Variants in DLG2 observed in about 807,000 individuals in gnomAD.
The protein encoded by DLG2 is disks large homolog 2.
In DLG2, 45 loss-of-function variants were observed where a neutral mutation model predicts 132.5. The observed-to-expected ratio is 0.34, with a 90% CI of 0.27 to 0.44. The LOEUF (loss-of-function observed/expected upper bound fraction) is 0.44. Among genes scored for constraint, DLG2 ranks in the 20% least tolerant of loss-of-function variants. The pLI is 1.00. For synonymous variants in DLG2, 424 were observed against 419.6 expected, an observed-to-expected ratio of 1.01 and a Z score of -0.13; for missense variants, 1,045 against 1,196.9, an observed-to-expected ratio of 0.87 and a Z score of 1.87.
intron 7 of DLG2, among the ~76,000 whole-genome samples, chr11:84,324,877 T>C (rs1019749259): frequency 3.3e-5 from 5 of 152,176 alleles, no homozygotes; most frequent in African/African-American, 7.2e-5. Context: ...TTGTATCCTA[T>C]AATTTTGTTG....
At chr11:84,843,000 T>C (rs549963296) in intron 6 of DLG2, among the ~76,000 whole-genome samples, 1 of 152,142 alleles carries the variant, frequency 6.6e-6, no homozygotes, top group South Asian at 2.1e-4. Flanking sequence ...CAAAGAATAC[T>C]GTTCAATGGG....
At chr11:85,058,949 T>A (rs2063740610) in intron 6 of DLG2, among the ~76,000 whole-genome samples, 1 of 151,358 alleles carries the variant, frequency 6.6e-6, no homozygotes, top group East Asian at 1.9e-4. Flanking sequence ...TCTGCATAGA[T>A]TTCCTAAAAA....
At chr11:85,227,882 C>G (rs1294527370) in intron 4 of DLG2, among the ~76,000 whole-genome samples, 3 of 152,038 alleles carry the variant, frequency 2.0e-5, no homozygotes, top group African/African-American at 7.2e-5. Flanking sequence ...ACCCATCTAT[C>G]TGTATTCAGC....
chr11:85,607,891 T>A (rs2080700698), intron 2 of DLG2, among the ~76,000 whole-genome samples: 1 of 152,194 alleles, frequency 6.6e-6, no homozygotes. Flanking sequence ...TTATAGGACA[T>A]GGGTAAAATC....
chr11:84,863,937 A>C (rs1412269854), intron 6 of DLG2, among the ~76,000 whole-genome samples: 2 of 152,208 alleles, frequency 1.3e-5, no homozygotes, highest in Non-Finnish European at 2.9e-5. Context: ...AGTTTTTAAA[A>C]AAATACTGCT....
At chr11:84,283,590 T>C (rs1482774111) in intron 7 of DLG2, among the ~76,000 whole-genome samples, 1 of 152,186 alleles carries the variant, frequency 6.6e-6, no homozygotes, top group African/African-American at 2.4e-5. Context: ...TATAAGGTAA[T>C]TGTAGATTCA....
chr11:85,053,674 C>T (rs532425602), intron 6 of DLG2, among the ~76,000 whole-genome samples: 42 of 146,292 alleles, frequency 2.9e-4, no homozygotes, highest in African/African-American at 9.4e-4. Context: ...TGGTGGTGGG[C>T]GCCTGTAGTC....
chr11:85,292,498 T>C (rs2078955088), intron 3 of DLG2, among the ~76,000 whole-genome samples: 1 of 151,028 alleles, frequency 6.6e-6, no homozygotes, highest in African/African-American at 2.4e-5. Context: ...TAACGCAAAA[T>C]GGAACTCAAT....
chr11:84,038,258 G>A (rs1321647861), intron 11 of DLG2, among the ~76,000 whole-genome samples: 1 of 151,266 alleles, frequency 6.6e-6, no homozygotes, highest in Non-Finnish European at 1.5e-5. Context: ...TCTAACAAAG[G>A]TCTAATATCC....
At chr11:83,710,172 T>C (rs2085062392) in intron 18 of DLG2, among the ~76,000 whole-genome samples, 1 of 151,962 alleles carries the variant, frequency 6.6e-6, no homozygotes, top group African/African-American at 2.4e-5. Flanking sequence ...GGTACTTTTT[T>C]TTTTTTTTGA....
chr11:85,241,096 G>A (rs2075855734), intron 4 of DLG2, among the ~76,000 whole-genome samples: 1 of 151,126 alleles, frequency 6.6e-6, no homozygotes, highest in Non-Finnish European at 1.5e-5. Flanking sequence ...TTATACCTTT[G>A]TATACATTCT....
chr11:83,991,072 G>C (rs944616749), intron 11 of DLG2, among the ~76,000 whole-genome samples: 1 of 152,080 alleles, frequency 6.6e-6, no homozygotes, highest in Non-Finnish European at 1.5e-5. Context: ...AGAAAATTTT[G>C]CTTTAACAAA....
At chr11:85,198,569 G>T (rs1422455961) in intron 4 of DLG2, among the ~76,000 whole-genome samples, 1 of 152,078 alleles carries the variant, frequency 6.6e-6, no homozygotes, top group Non-Finnish European at 1.5e-5. Context: ...CAAGTTTACA[G>T]ATATTTTATG....
chr11:84,366,333 C>A (rs2154425962), intron 7 of DLG2, among the ~76,000 whole-genome samples: 1 of 152,112 alleles, frequency 6.6e-6, no homozygotes, highest in South Asian at 2.1e-4. Flanking sequence ...TGGAAAGGAA[C>A]AACTGGTACC....
intron 3 of DLG2, among the ~76,000 whole-genome samples, chr11:85,464,081 T>C (rs181499679): frequency 6.7e-6 from 1 of 148,458 alleles, no homozygotes; most frequent in Non-Finnish European, 1.5e-5. Flanking sequence ...ATATACAAGG[T>C]GCTATATCAT....
At chr11:84,688,053 C>T (rs1463308447) in intron 6 of DLG2, among the ~76,000 whole-genome samples, 3 of 152,082 alleles carry the variant, frequency 2.0e-5, no homozygotes, top group African/African-American at 7.2e-5. Flanking sequence ...AGAGGAAGAG[C>T]AGAAAAACTC....
At chr11:84,886,310 T>C (rs996523050) in intron 6 of DLG2, among the ~76,000 whole-genome samples, 1 of 152,292 alleles carries the variant, frequency 6.6e-6, no homozygotes, top group East Asian at 1.9e-4. Flanking sequence ...AAAAGACATA[T>C]GCTTATTGAT....
At chr11:84,031,988 C>T (rs1269074392) in intron 11 of DLG2, among the ~76,000 whole-genome samples, 1 of 152,012 alleles carries the variant, frequency 6.6e-6, no homozygotes, top group Admixed American at 6.6e-5. Context: ...TTTGGGGTGC[C>T]ACAGAATATG....
chr11:84,297,895 G>C (rs1231791882), intron 7 of DLG2, among the ~76,000 whole-genome samples: 1 of 151,920 alleles, frequency 6.6e-6, no homozygotes, highest in Non-Finnish European at 1.5e-5. Flanking sequence ...TCTTTTATCT[G>C]TAACACCACC....
Sources: allele counts gnomAD v4.1 joint callset (sites outside exome capture counted in the v4.1 genomes callset), GRCh38; gene constraint gnomAD v4.1.1; transcripts MANE v1.5; gene names NCBI Gene and HGNC (gene_info 2026-07-23, HGNC 2026-07-21).